The following RAB25 variants were observed in gnomAD, a reference collection of about 807,000 sequenced individuals.
RAB25 encodes RAB25, member RAS oncogene family.
RAB25 carries 23 observed loss-of-function variants against 25.2 expected under a neutral mutation model. The ratio of observed to expected loss-of-function variants is 0.91; its 90% CI spans 0.66 to 1.29. The LOEUF (loss-of-function observed/expected upper bound fraction) is 1.29. RAB25 is among the 50% of genes most tolerant of loss of function. The probability of loss-of-function intolerance (pLI) is 0.00; values close to 1 mark genes in which losing one functional copy is unlikely to be tolerated. For missense variants in RAB25, 244 were observed against 277.3 expected (o/e 0.88, Z 0.85); for synonymous variants, 102 against 111.5 (o/e 0.91, Z 0.54).
chr1:156,066,670 G>A (rs1278749748), intron 2 of RAB25, among the ~76,000 whole-genome samples: 1 of 152,180 alleles, frequency 6.6e-6, no homozygotes, highest in African/African-American at 2.4e-5. Context: ...CGGGTGTGTT[G>A]GCTCACACCT....
In RAB25 at chr1:156,069,825, A is replaced by C. The variant is rs1647855462; in HGVS notation, c.514+74A>C. ...TACAGGCAGCAGTAGGAATGCAGAC[A>C]CTCAGCCCTCACCCCAGCTAATTTC... On this transcript the variant is annotated intron_variant, in intron 4 of 4. Coordinates refer to ENST00000361084, the MANE Select transcript of RAB25 (RefSeq NM_020387.4). The C allele has an allele frequency of 2.3e-6, 3 of 1,315,206 alleles. No individual in the cohort carries two copies. In the African/African-American group the frequency reaches 4.4e-5, roughly 19 times the overall value. 81.5% of individuals were successfully genotyped at this position (1,315,206 alleles called of 1,614,324 possible). A position where few individuals can be genotyped will look rare whatever the true frequency, so the allele number is the denominator to read the frequency against.
At chr1:156,068,565 C>G in intron 3 of RAB25, 102 bp downstream of exon 3, 1 of 1,181,388 alleles carries the variant, frequency 8.5e-7, no homozygotes, top group Admixed American at 2.0e-5. Context: ...CCTAGCCTGG[C>G]CTTCCTCCAT....
intron 1 of RAB25, among the ~76,000 whole-genome samples, chr1:156,065,524 C>T (rs1647717778): frequency 6.6e-6 from 1 of 152,130 alleles, no homozygotes; most frequent in Non-Finnish European, 1.5e-5. Flanking sequence ...TCTCATACTC[C>T]AAGTCCTAGT....
In RAB25 at chr1:156,070,176, GTCC is replaced by G; in HGVS notation, c.532_534del (p.Ser178del). On this transcript the variant is annotated inframe_deletion, in exon 5 of 5. Coordinates refer to ENST00000361084, the MANE Select transcript of RAB25 (RefSeq NM_020387.4). ...CCCTCCCAGAAATCTTTGCGAAGGT[GTCC>G]AAGCAGAGACAGAACAGCATCCGGA... is the stretch of plus-strand genomic sequence containing the variant. 6.2e-7 allele frequency: 1 copy of G among 1,614,110 alleles called. No homozygotes were observed. The highest frequency in any genetic ancestry group is 8.5e-7 in the Non-Finnish European group (1 of 1,180,002).
chr1:156,065,966 G>A lies in RAB25; in HGVS notation c.99G>A (p.Thr33=), dbSNP rs373021788. The change falls in exon 2 of 5, where the codon ACG becomes ACA. Residue 33 remains threonine, a synonymous_variant. Transcript: ENST00000361084. ...VGKTNLLSRF[T]RNEFSHDSRT... ...AGACCAATCTACTCTCCCGATTCAC[G>A]CGCAATGAGTTCAGCCACGACAGCC... The A allele has an allele frequency of 2.3e-5, 37 of 1,613,566 alleles. No individual in the cohort carries two copies. Among genetic ancestry groups the A allele is most frequent in the South Asian group, 1.6e-4 (15 of 91,040 alleles).
chr1:156,068,182 C>T, intron 2 of RAB25, 88 bp from the exon 3 acceptor site: 1 of 1,193,636 alleles, frequency 8.4e-7, no homozygotes, highest in Non-Finnish European at 1.2e-6. Context: ...TACTCTGATC[C>T]CGGGTGTTCC....
At chr1:156,068,186 G>T in intron 2 of RAB25, 84 bp from the exon 3 acceptor site, 2 of 1,219,582 alleles carry the variant, frequency 1.6e-6, no homozygotes, top group South Asian at 2.6e-5. Flanking sequence ...CTGATCCCGG[G>T]TGTTCCAGCT....
At position 156,066,122 on chromosome 1, in the gene RAB25, G is replaced by C; in HGVS notation, c.239+16G>C. 6.5e-7 allele frequency: 1 copy of C among 1,535,690 alleles called. No homozygotes were observed. The highest frequency in any genetic ancestry group is 8.8e-7 in the Non-Finnish European group (1 of 1,133,626). On this transcript the variant is annotated intron_variant, in intron 2 of 4. Transcript: ENST00000361084. ...TCACCTCGGCGTGAGCCCGGGCCTG[G>C]GGGGCTGCTGGGTGGTGGGAGTTCT... is the stretch of plus-strand genomic sequence containing the variant.
chr1:156,068,565 C>A (rs981617721), intron 3 of RAB25, 102 bp downstream of exon 3: 2 of 1,181,268 alleles, frequency 1.7e-6, no homozygotes, highest in East Asian at 2.4e-5. Flanking sequence ...CCTAGCCTGG[C>A]CTTCCTCCAT....
intron 2 of RAB25, 54 bp downstream of exon 2, chr1:156,066,160 G>A: frequency 2.9e-6 from 4 of 1,401,560 alleles, no homozygotes; most frequent in Admixed American, 2.2e-5. Flanking sequence ...GGAAGTCGAG[G>A]AACACTTCTG....
In RAB25 at chr1:156,068,355, G is replaced by A; in HGVS notation, c.325G>A (p.Glu109Lys). 6.2e-7 allele frequency: 1 copy of A among 1,614,086 alleles called. No individual in the cohort carries two copies. Among genetic ancestry groups the A allele is most frequent in the Non-Finnish European group, 8.5e-7 (1 of 1,180,024 alleles). The stretch of plus-strand genomic sequence containing the variant: ...TGCTGTGGTGGAGCGATGGCTGAAG[G>A]AGCTCTATGACCATGCTGAAGCCAC... Reference protein sequence around the residue: ...TYAVVERWLKELYDHAEATIV... With the variant: ...TYAVVERWLKKLYDHAEATIV... Residue 109 changes from glutamate to lysine, a missense_variant, in exon 3 of 5, where the codon GAG becomes AAG. By Grantham distance (56) the Glu-to-Lys change is moderately conservative (BLOSUM62 1). Transcript: ENST00000361084.
chr1:156,063,963 T>G (rs942008465), intron 1 of RAB25, among the ~76,000 whole-genome samples: 1 of 152,228 alleles, frequency 6.6e-6, no homozygotes, highest in Non-Finnish European at 1.5e-5. Flanking sequence ...GTATCTCCAC[T>G]TTACAACTGA....
intron 1 of RAB25, among the ~76,000 whole-genome samples, chr1:156,064,614 C>A (rs1192413149): frequency 1.3e-5 from 2 of 152,184 alleles, no homozygotes; most frequent in South Asian, 4.1e-4. Flanking sequence ...GGGGTTTCAC[C>A]GTGTTACCCA....
intron 1 of RAB25, among the ~76,000 whole-genome samples, chr1:156,062,727 G>A (rs1350153376): frequency 6.6e-6 from 1 of 152,126 alleles, no homozygotes; most frequent in Non-Finnish European, 1.5e-5. Flanking sequence ...AGCCAGACTG[G>A]GTTCAGATCT....
At position 156,070,303 on chromosome 1, in the gene RAB25, C is replaced by G; in HGVS notation, c.*16C>G. 6.2e-7 allele frequency: 1 copy of G among 1,610,498 alleles called. No individual in the cohort carries two copies. The highest frequency in any genetic ancestry group is 1.1e-5 in the South Asian group (1 of 90,952). ...CAGCCTCTGACCTTGGCCAGCACCACCTGCCCCCACTGGCTTTTTGGTGCC... is the reference window on the plus strand; with the variant it reads ...CAGCCTCTGACCTTGGCCAGCACCAGCTGCCCCCACTGGCTTTTTGGTGCC... On this transcript the variant is annotated 3_prime_UTR_variant, in exon 5 of 5. Transcript: ENST00000361084.
At chr1:156,062,619 T>C (rs1647617353) in intron 1 of RAB25, among the ~76,000 whole-genome samples, 1 of 152,194 alleles carries the variant, frequency 6.6e-6, no homozygotes, top group South Asian at 2.1e-4. Context: ...TACCATTTAT[T>C]GAGCACTTAC....
intron 2 of RAB25, among the ~76,000 whole-genome samples, chr1:156,067,007 G>A (rs528872100): frequency 1.1e-4 from 17 of 151,896 alleles, no homozygotes; most frequent in African/African-American, 3.4e-4. Flanking sequence ...AGGCCGAGGC[G>A]GGCAGATCAC....
At position 156,068,428 on chromosome 1, in the gene RAB25, G is replaced by C; in HGVS notation, c.398G>C (p.Arg133Pro). The C allele has an allele frequency of 6.2e-7, 1 of 1,613,846 alleles. No individual in the cohort carries two copies. The highest frequency in any genetic ancestry group is 1.1e-5 in the South Asian group (1 of 91,068). ...AACAAAAGTGACCTCAGCCAGGCCC[G>C]GGAAGTGCCCACTGAGGAGGCCCGA... is the stretch of plus-strand genomic sequence containing the variant. ...VGNKSDLSQA[R>P]EVPTEEARMF... Residue 133 changes from arginine (R) to proline (P), a missense_variant, in exon 3 of 5, where the codon CGG (arginine) becomes CCG (proline). Arg to Pro is a moderately radical substitution (Grantham distance 103). Transcript: ENST00000361084.
intron 2 of RAB25, among the ~76,000 whole-genome samples, chr1:156,066,531 C>G (rs1276996488): frequency 1.3e-5 from 2 of 152,188 alleles, no homozygotes; most frequent in African/African-American, 4.8e-5. Context: ...GCACAATGCT[C>G]TGCACTTGGC....
Sources: allele counts gnomAD v4.1 joint callset (sites outside exome capture counted in the v4.1 genomes callset), GRCh38; gene constraint gnomAD v4.1.1; transcripts MANE v1.5; gene names NCBI Gene and HGNC (gene_info 2026-07-23, HGNC 2026-07-21).